FERRY3: variants seen among roughly 807,000 people sequenced by gnomAD.
FERRY3 encodes the protein protein C12orf4.
chr12:4,528,912 CACACACACACACACACACACACACACAA>C, the FERRY3 span, among the ~76,000 whole-genome samples: 3 of 134,444 alleles, frequency 2.2e-5, no homozygotes, highest in African/African-American at 7.4e-5. Flanking sequence ...CACACACACA[CACACACACACACACACACACACACACAA>C]ACAAAAGTGA....
chr12:4,504,556 T>G, the FERRY3 span, among the ~76,000 whole-genome samples: 1 of 152,190 alleles, frequency 6.6e-6, no homozygotes, highest in Non-Finnish European at 1.5e-5. Context: ...ATGATCCATT[T>G]TCTTTATATT....
the FERRY3 span, chr12:4,490,694 G>T: frequency 1.2e-6 from 1 of 836,262 alleles, no homozygotes; most frequent in South Asian, 1.7e-5. Flanking sequence ...TTCATGTCTT[G>T]ACTTTTTAGG....
chr12:4,530,380 G>C, the FERRY3 span, among the ~76,000 whole-genome samples: 1 of 152,160 alleles, frequency 6.6e-6, no homozygotes, highest in Non-Finnish European at 1.5e-5. Context: ...CACACACACA[G>C]ATGATCAACA....
the FERRY3 span, among the ~76,000 whole-genome samples, chr12:4,516,862 A>G: frequency 0.019 from 2,910 of 152,292 alleles, 98 homozygotes; most frequent in African/African-American, 0.065. Flanking sequence ...CTTAAAGTAA[A>G]AGTTGAAGGA....
At chr12:4,535,959 A>G in the FERRY3 span, 25 of 1,361,432 alleles carry the variant, frequency 1.8e-5, no homozygotes, top group African/African-American at 6.0e-5. The surrounding 1 kb of genome is among the most constrained non-coding windows in gnomAD (Gnocchi z 4.0). Context: ...GAAACTTCCA[A>G]TGACAGACTA....
chr12:4,498,822 C>T, the FERRY3 span, among the ~76,000 whole-genome samples: 7 of 152,124 alleles, frequency 4.6e-5, no homozygotes, highest in East Asian at 1.9e-4. Context: ...AAAAGGAGCA[C>T]GCAACCTAGC....
At chr12:4,525,608 G>A in the FERRY3 span, 9 of 1,524,340 alleles carry the variant, frequency 5.9e-6, no homozygotes, top group Non-Finnish European at 5.4e-6. Flanking sequence ...AACAAATCAG[G>A]GATATTCATC....
chr12:4,532,985 A>G, the FERRY3 span, among the ~76,000 whole-genome samples: 397 of 152,310 alleles, frequency 2.6e-3, 4 homozygotes, highest in African/African-American at 9.1e-3. Flanking sequence ...TCTTGGCCTC[A>G]ATGATGCCTG....
chr12:4,504,979 C>A, the FERRY3 span, among the ~76,000 whole-genome samples: 1 of 152,128 alleles, frequency 6.6e-6, no homozygotes, highest in African/African-American at 2.4e-5. Context: ...GTGGCGTGGG[C>A]CTGTAGTCCC....
At chr12:4,503,959 C>A in the FERRY3 span, among the ~76,000 whole-genome samples, 1 of 152,082 alleles carries the variant, frequency 6.6e-6, no homozygotes. Flanking sequence ...AATTGTGGAT[C>A]CATGAAGAGA....
chr12:4,517,082 T>C, the FERRY3 span: 4 of 1,568,448 alleles, frequency 2.6e-6, no homozygotes, highest in Non-Finnish European at 3.5e-6. Flanking sequence ...TTCAATTTAC[T>C]CCTGCGCTGG....
At chr12:4,518,290 A>G in the FERRY3 span, 5 of 1,588,432 alleles carry the variant, frequency 3.1e-6, no homozygotes, top group Non-Finnish European at 2.6e-6. Flanking sequence ...AAGATACTTA[A>G]GCAGCTACAG....
the FERRY3 span, among the ~76,000 whole-genome samples, chr12:4,517,789 A>C: frequency 1.3e-5 from 2 of 151,082 alleles, no homozygotes; most frequent in Non-Finnish European, 2.9e-5. Context: ...TCTAAACTGA[A>C]AACATGTGAT....
At chr12:4,522,154 T>A in the FERRY3 span, among the ~76,000 whole-genome samples, 3 of 152,198 alleles carry the variant, frequency 2.0e-5, no homozygotes, top group Non-Finnish European at 4.4e-5. Context: ...TATGCATTTG[T>A]AGGTCAGGCG....
the FERRY3 span, among the ~76,000 whole-genome samples, chr12:4,523,651 C>T: frequency 6.6e-6 from 1 of 152,150 alleles, no homozygotes; most frequent in Non-Finnish European, 1.5e-5. Flanking sequence ...GAGTTCATGT[C>T]CTTTGTAGGG....
the FERRY3 span, among the ~76,000 whole-genome samples, chr12:4,526,932 T>C: frequency 1.3e-5 from 2 of 152,056 alleles, no homozygotes; most frequent in Non-Finnish European, 2.9e-5. Flanking sequence ...GTTACACATA[T>C]ATACATTTCT....
the FERRY3 span, chr12:4,536,268 T>C: frequency 2.9e-6 from 3 of 1,025,610 alleles, no homozygotes; most frequent in Non-Finnish European, 4.0e-6. Context: ...TTATGTTTCA[T>C]TATTGCTGTC....
chr12:4,510,886 C>T, the FERRY3 span, among the ~76,000 whole-genome samples: 2 of 152,012 alleles, frequency 1.3e-5, no homozygotes, highest in African/African-American at 2.4e-5. Context: ...ATCAAATTCA[C>T]ACATAACAAT....
chr12:4,499,498 T>G, the FERRY3 span, among the ~76,000 whole-genome samples: 1 of 152,194 alleles, frequency 6.6e-6, no homozygotes, highest in Non-Finnish European at 1.5e-5. Flanking sequence ...CTAACCAGTT[T>G]CTATGTGGGT....
Sources: allele counts gnomAD v4.1 joint callset (sites outside exome capture counted in the v4.1 genomes callset), GRCh38; gene constraint gnomAD v4.1.1; non-coding constraint Gnocchi (gnomAD v3.1); transcripts MANE v1.5; gene names NCBI Gene and HGNC (gene_info 2026-07-23, HGNC 2026-07-21).